Variants in NKAIN1 observed in about 807,000 individuals in gnomAD.
NKAIN1 encodes the protein sodium/potassium transporting ATPase interacting 1, also known as sodium/potassium-transporting ATPase subunit beta-1-interacting protein 1.
A neutral mutation model predicts 31.6 loss-of-function variants in NKAIN1; 13 were observed. The observed-to-expected ratio is 0.41, with a 90% confidence interval of 0.27 to 0.65. The LOEUF (loss-of-function observed/expected upper bound fraction) is 0.65, where lower values mean the gene tolerates loss of function less well. NKAIN1 is among the 30% of genes least tolerant of loss of function. The pLI, the probability that NKAIN1 is intolerant of heterozygous loss-of-function variation, is 0.30. For synonymous variants in NKAIN1, 104 were observed against 109.0 expected (o/e 0.95, Z 0.28); for missense variants, 193 against 262.2 (o/e 0.74, Z 1.82).
chr1:31,217,995 C>T (rs1645526003), intron 1 of NKAIN1, among the ~76,000 whole-genome samples: 1 of 148,256 alleles, frequency 6.7e-6, no homozygotes, highest in Non-Finnish European at 1.5e-5. Context: ...TTTGTATTGG[C>T]CATAATCACA....
chr1:31,228,324 G>A (rs1244526349), intron 1 of NKAIN1, among the ~76,000 whole-genome samples: 1 of 152,118 alleles, frequency 6.6e-6, no homozygotes, highest in Non-Finnish European at 1.5e-5. Flanking sequence ...TAGGGCAAGG[G>A]GTGGCCAGAG....
intron 5 of NKAIN1, among the ~76,000 whole-genome samples, 184 bp from the exon 6 acceptor site, chr1:31,182,125 G>T (rs1350371338): frequency 6.6e-6 from 1 of 152,056 alleles, no homozygotes; most frequent in Admixed American, 6.6e-5. Context: ...GCTTCGGCTG[G>T]ACCCTGAGGG....
intron 1 of NKAIN1, among the ~76,000 whole-genome samples, chr1:31,206,690 G>A (rs1645428085): frequency 6.6e-6 from 1 of 152,078 alleles, no homozygotes; most frequent in Non-Finnish European, 1.5e-5. Context: ...GCCCATCTCA[G>A]CCTTCCAAAG....
At position 31,209,340 on chromosome 1, in the gene NKAIN1, A is replaced by G. The variant is rs148344352; in HGVS notation, c.55-21153T>C. Among the ~76,000 whole-genome samples the G allele has an allele frequency of 7.1e-3, 1,073 of 151,968 alleles. 3 individuals are homozygous for G. The highest frequency in any genetic ancestry group is 0.011 in the Non-Finnish European group (719 of 67,914). On this transcript the variant is annotated intron_variant, in intron 1 of 6. Transcript: ENST00000373736. ...CAGTGAGCCGAGATTGCGCCACTGC[A>G]CTCCAGCCTGGGTAACAAGAGCAAA...
rs1052968836 is a variant in NKAIN1, at chr1:31,231,928, AT to A, written c.54+7565del. Among the ~76,000 whole-genome samples the A allele has an allele frequency of 2.8e-4, 39 of 139,818 alleles. 1 individual carries two copies. The highest frequency in any genetic ancestry group is 1.0e-3 in the African/African-American group (39 of 37,784). The allele number at this position is 139,818 out of a possible 152,430, so 91.7% of individuals were successfully genotyped here. ...GGAACTAGCTTTTTTTTTTTTTTTA[AT>A]TTTTTTTGAGACAGGATCTCACTGT... is the stretch of plus-strand genomic sequence containing the variant. On this transcript the variant is annotated intron_variant, in intron 1 of 6. Coordinates refer to ENST00000373736, the MANE Select transcript of NKAIN1 (RefSeq NM_024522.3).
Position 31,219,341 on chromosome 1 carries a change from C to T in NKAIN1, c.54+20153G>A, listed in dbSNP as rs74063700. 5.3e-3 allele frequency among the ~76,000 whole-genome samples: 812 copies of T among 152,362 alleles called. 12 individuals carry two copies. Among genetic ancestry groups the T allele is most frequent in the African/African-American group, 0.018 (755 of 41,578 alleles). On this transcript the variant is annotated intron_variant, in intron 1 of 6. Coordinates refer to ENST00000373736, the MANE Select transcript of NKAIN1 (RefSeq NM_024522.3). ...TGTGTAAGCTATGTCCACACCTGCC[C>T]CTCCTTCCAAGCAGCTGGCGCTGTC...
intron 1 of NKAIN1, among the ~76,000 whole-genome samples, chr1:31,236,709 G>C (rs1645695160): frequency 6.6e-6 from 1 of 152,198 alleles, no homozygotes; most frequent in African/African-American, 2.4e-5. Flanking sequence ...GGAGAAACCA[G>C]AATGCCACCC....
intron 1 of NKAIN1, among the ~76,000 whole-genome samples, chr1:31,222,368 C>A (rs752191901): frequency 6.6e-6 from 1 of 152,186 alleles, no homozygotes; most frequent in African/African-American, 2.4e-5. Flanking sequence ...GTCAGGGACC[C>A]CTGCTGGGCA....
rs34605060 is a variant in NKAIN1 at position 31,232,424 on chromosome 1, T to TAGAGAGAGAGAGAG, written c.54+7056_54+7069dup. Among the ~76,000 whole-genome samples the TAGAGAGAGAGAGAG allele has an allele frequency of 7.1e-4, 12 of 16,920 alleles. 1 individual carries two copies. The highest frequency in any genetic ancestry group is 9.1e-4 in the Non-Finnish European group (8 of 8,750). The allele number at this position is 16,920 out of a possible 152,430, so 11.1% of individuals were successfully genotyped here. On this transcript the variant is annotated intron_variant, in intron 1 of 6. Coordinates refer to ENST00000373736, the MANE Select transcript of NKAIN1 (RefSeq NM_024522.3). ...ATATATATATATATATATATATATA[T>TAGAGAGAGAGAGAG]AGAGAGAGAGAGAGAGAGAGAGAGA...
rs35212874 is a variant in NKAIN1 at position 31,216,690 on chromosome 1, T to TTTTATTTATTTATTTA, written c.54+22788_54+22803dup. ...TCCTAGGAACGCCTGTGGCATTGAC[T>TTTTATTTATTTATTTA]TTTATTTATTTATTTATTTATTTAT... is the stretch of plus-strand genomic sequence containing the variant. On this transcript the variant is annotated intron_variant, in intron 1 of 6. Coordinates refer to ENST00000373736, the MANE Select transcript of NKAIN1 (RefSeq NM_024522.3). Among the ~76,000 whole-genome samples the TTTTATTTATTTATTTA allele has an allele frequency of 4.4e-3, 616 of 140,540 alleles. 4 individuals carry two copies. Among genetic ancestry groups the TTTTATTTATTTATTTA allele is most frequent in the Non-Finnish European group, 6.3e-3 (417 of 66,028 alleles). 92.2% of individuals were successfully genotyped at this position (140,540 alleles called of 152,430 possible).
At position 31,239,328 on chromosome 1, in the gene NKAIN1, G is replaced by A. The variant is rs1179241115; in HGVS notation, c.54+166C>T. Among the ~76,000 whole-genome samples, 2 of 152,092 alleles carry A rather than the reference G, an allele frequency of 1.3e-5. No individual in the cohort carries two copies. The highest frequency in any genetic ancestry group is 2.9e-5 in the Non-Finnish European group (2 of 68,022). On this transcript the variant is annotated intron_variant, in intron 1 of 6. Coordinates refer to ENST00000373736, the MANE Select transcript of NKAIN1 (RefSeq NM_024522.3). This position sits in a 1 kb window ranked among gnomAD's most constrained non-coding sequence, Gnocchi z 4.8. ...CGCACACAAAGAGACAGCCCGGCCA[G>A]CGGGAGCAGGCTCCGCCCGACCGCT...
chr1:31,191,551 C>A (rs1169629732), intron 1 of NKAIN1, among the ~76,000 whole-genome samples: 1 of 152,060 alleles, frequency 6.6e-6, no homozygotes, highest in South Asian at 2.1e-4. Context: ...TAATCCCTCT[C>A]TTGAGAAGTT....
chr1:31,193,520 A>C (rs1023076797), intron 1 of NKAIN1, among the ~76,000 whole-genome samples: 3 of 151,204 alleles, frequency 2.0e-5, no homozygotes, highest in African/African-American at 7.3e-5. Context: ...CATGGGGAAA[A>C]CTCGTCTCTA....
intron 1 of NKAIN1, 185 bp from the exon 2 acceptor site, chr1:31,188,372 G>T: frequency 1.5e-6 from 1 of 648,166 alleles, no homozygotes; most frequent in Non-Finnish European, 2.6e-6. Flanking sequence ...TCACTTTGGG[G>T]TGGGCTGAAA....
In NKAIN1 at chr1:31,204,777, G is replaced by T. The variant is rs573732410; in HGVS notation, c.55-16590C>A. ...AGCACCTTAATGAAGCGGGCACTTAGGTAGAGAGAATTAATTAAGGCAGTG... is the reference window on the plus strand; with the variant it reads ...AGCACCTTAATGAAGCGGGCACTTATGTAGAGAGAATTAATTAAGGCAGTG... On this transcript the variant is annotated intron_variant, in intron 1 of 6. Transcript: ENST00000373736. Among the ~76,000 whole-genome samples the T allele has an allele frequency of 5.3e-5, 8 of 152,308 alleles. No individual in the cohort carries two copies. The South Asian group carries it at 1.7e-3, about 32-fold the overall frequency.
At chr1:31,185,199 G>A in intron 3 of NKAIN1, 48 bp downstream of exon 3, 2 of 1,488,522 alleles carry the variant, frequency 1.3e-6, no homozygotes, top group Non-Finnish European at 1.9e-6. Context: ...GGCAGGGGAT[G>A]GGAATGGTCA....
chr1:31,223,515 G>A (rs558271365), intron 1 of NKAIN1, among the ~76,000 whole-genome samples: 7 of 152,122 alleles, frequency 4.6e-5, no homozygotes, highest in East Asian at 3.9e-4. Context: ...CGCGATCTCC[G>A]CTTACTGCAA....
At position 31,237,109 on chromosome 1, in the gene NKAIN1, G is replaced by A. The variant is rs185134235; in HGVS notation, c.54+2385C>T. On this transcript the variant is annotated intron_variant, in intron 1 of 6. Coordinates refer to ENST00000373736, the MANE Select transcript of NKAIN1 (RefSeq NM_024522.3). ...CTCTAAAACACAAAAAAATTAGCTA[G>A]GCATGGTGGTGTGCCCCCGTAGTCC... Among the ~76,000 whole-genome samples, 32 of 152,248 alleles carry A rather than the reference G, an allele frequency of 2.1e-4. 1 individual carries two copies. Among genetic ancestry groups the A allele is most frequent in the African/African-American group, 7.7e-4 (32 of 41,534 alleles).
rs369426376 is a variant in NKAIN1 at position 31,207,868 on chromosome 1, A to G, written c.55-19681T>C. Among the ~76,000 whole-genome samples, 13 of 152,238 alleles carry G rather than the reference A, an allele frequency of 8.5e-5. No homozygotes were observed. The South Asian group carries it at 1.5e-3, about 17-fold the overall frequency. ...TCAACCCTTGGAGAAGTGTCATTTT[A>G]CATACATGGATACTGAGGCCCAGGG... On this transcript the variant is annotated intron_variant, in intron 1 of 6. Transcript: ENST00000373736.
Sources: gnomAD v4.1 joint callset for allele counts (sites outside exome capture counted in the v4.1 genomes callset) on GRCh38, gnomAD v4.1.1 for gene constraint, Gnocchi (gnomAD v3.1) non-coding constraint, MANE v1.5 for transcripts, NCBI Gene and HGNC (gene_info 2026-07-23, HGNC 2026-07-21) for gene names.